Variants in LRPPRC observed in about 807,000 individuals in gnomAD.
The protein encoded by LRPPRC is leucine rich pentatricopeptide repeat containing.
Under a neutral mutation model 180.3 loss-of-function variants are expected in LRPPRC, and 120 were observed. The ratio of observed to expected loss-of-function variants is 0.67; its 90% confidence interval spans 0.57 to 0.77. The LOEUF (loss-of-function observed/expected upper bound fraction) is 0.77, where lower values mean the gene tolerates loss of function less well. Among genes scored for constraint, LRPPRC ranks in the 30% least tolerant of loss-of-function variants. The pLI is 0.00. For synonymous variants in LRPPRC, 723 were observed against 600.0 expected (o/e 1.21, Z -3.00); for missense variants, 2,012 against 1,657.2 (o/e 1.21, Z -3.72).
intron 34 of LRPPRC, among the ~76,000 whole-genome samples, chr2:43,898,508 G>A (rs1170304223): frequency 1.3e-5 from 2 of 152,326 alleles, no homozygotes; most frequent in South Asian, 2.1e-4. Context: ...CTCCCCGGCG[G>A]TGCCTGTTTG....
At chr2:43,924,414 G>A (rs1309702135) in intron 27 of LRPPRC, among the ~76,000 whole-genome samples, 1 of 152,138 alleles carries the variant, frequency 6.6e-6, no homozygotes, top group African/African-American at 2.4e-5. Flanking sequence ...AACAGTTAAG[G>A]ATGTGAATGA....
chr2:43,892,083 G>C (rs566158386), intron 36 of LRPPRC, among the ~76,000 whole-genome samples: 1 of 152,334 alleles, frequency 6.6e-6, no homozygotes, highest in African/African-American at 2.4e-5. Context: ...TTTAAGGAAA[G>C]AAGCCATCTC....
At position 43,943,806 on chromosome 2, in the gene LRPPRC, G is replaced by A. The variant is rs886056056; in HGVS notation, c.2385C>T (p.Gly795=). The change falls in exon 23 of 38, where the codon GGC becomes GGT. Residue 795 remains glycine, a synonymous_variant. Coordinates refer to ENST00000260665, the MANE Select transcript of LRPPRC (RefSeq NM_133259.4). ...TALSFFHMLN[G]AALRGEIETV... The stretch of plus-strand genomic sequence containing the variant: ...TTTCAATTTCACCTCTTAAAGCTGC[G>A]CCATTTAGCATGTGGAAAAAGGACA... 1.1e-5 allele frequency: 17 copies of A among 1,613,212 alleles called. 1 individual carries two copies. The highest frequency in any genetic ancestry group is 1.7e-5 in the Admixed American group (1 of 59,968).
intron 1 of LRPPRC, 91 bp from the exon 2 acceptor site, chr2:43,982,525 T>C (rs1241039074): frequency 1.2e-5 from 11 of 935,018 alleles, no homozygotes; most frequent in Non-Finnish European, 1.2e-5. Context: ...AAATTAGTTA[T>C]TAAACACCTA....
chr2:43,996,080 TAGGTTGGAAGATG>T, upstream of LRPPRC: 1 of 838,922 alleles, frequency 1.2e-6, no homozygotes, highest in Non-Finnish European at 1.8e-6. Flanking sequence ...CGGATTGTTT[TAGGTTGGAAGATG>T]GAAAACCGCA....
intron 3 of LRPPRC, among the ~76,000 whole-genome samples, chr2:43,979,315 C>G (rs938810791): frequency 2.4e-4 from 37 of 152,080 alleles, no homozygotes; most frequent in African/African-American, 8.4e-4. Flanking sequence ...TTTATTTATA[C>G]TCTGGAGAAC....
At chr2:43,937,507 C>G (rs185823218) in intron 23 of LRPPRC, among the ~76,000 whole-genome samples, 1 of 151,986 alleles carries the variant, frequency 6.6e-6, no homozygotes, top group African/African-American at 2.4e-5. Flanking sequence ...TAGGTGATGA[C>G]GGAAATGAAA....
At chr2:43,996,128 T>A (rs1417369393), upstream of LRPPRC, 6 of 553,634 alleles carry the variant, frequency 1.1e-5, no homozygotes, top group Non-Finnish European at 1.6e-5. Context: ...GAAGACCCAA[T>A]GTAATATTTA....
At chr2:43,960,790 GA>G (rs1673317098) in intron 12 of LRPPRC, among the ~76,000 whole-genome samples, 156 bp from the exon 13 acceptor site, 1 of 152,170 alleles carries the variant, frequency 6.6e-6, no homozygotes, top group Non-Finnish European at 1.5e-5. Context: ...AAAATTTAAA[GA>G]TGACATTTCA....
At chr2:43,912,025 G>T (rs1671280743) in intron 30 of LRPPRC, among the ~76,000 whole-genome samples, 1 of 152,048 alleles carries the variant, frequency 6.6e-6, no homozygotes, top group African/African-American at 2.4e-5. Context: ...ATTTTCCCAA[G>T]GTCACAGAAC....
Position 43,963,693 on chromosome 2 carries a change from G to T in LRPPRC, c.1383C>A (p.Ile461=), listed in dbSNP as rs2103673302. The T allele has an allele frequency of 1.3e-6, 2 of 1,551,122 alleles. No individual in the cohort carries two copies. The highest frequency in any genetic ancestry group is 1.8e-6 in the Non-Finnish European group (2 of 1,123,026). The change falls in exon 12 of 38, where the codon ATC becomes ATA. Residue 461 remains isoleucine (I), a synonymous_variant. Transcript: ENST00000260665. The stretch of plus-strand genomic sequence containing the variant: ...CTCCCAATTCTTGCATTCCTTTGAG[G>T]ATTTCAATTATACCTACCAAATAAA... ...KEKNVQGIIE[I]LKGMQELGVH...
chr2:43,916,873 A>T (rs1671487338), intron 29 of LRPPRC, among the ~76,000 whole-genome samples: 1 of 142,572 alleles, frequency 7.0e-6, no homozygotes, highest in Non-Finnish European at 1.5e-5. Flanking sequence ...TAAGCCCACG[A>T]GGCGGGGGCT....
At chr2:43,917,014 T>C (rs1344408047) in intron 29 of LRPPRC, among the ~76,000 whole-genome samples, 1 of 147,144 alleles carries the variant, frequency 6.8e-6, no homozygotes, top group African/African-American at 2.5e-5. Context: ...ATCACTTATA[T>C]CTAACAATTA....
rs1670299110 is a variant in LRPPRC at position 43,887,166 on chromosome 2, A to AAAAAAAAATT, written c.*1433_*1434insAATTTTTTTT. On this transcript the variant is annotated 3_prime_UTR_variant, in exon 38 of 38. Coordinates refer to ENST00000260665, the MANE Select transcript of LRPPRC (RefSeq NM_133259.4). ...CTCAAAAAAAAAAAAAAAAAAAAAGATGCTTTTGGCAAACCTGTAACATGT... is the reference window on the plus strand; with the variant it reads ...CTCAAAAAAAAAAAAAAAAAAAAAGAAAAAAAAATTTGCTTTTGGCAAACCTGTAACATGT... 1 of 147,454 alleles carries AAAAAAAAATT rather than the reference A, an allele frequency of 6.8e-6. No individual in the cohort carries two copies. 9.1% of individuals were successfully genotyped at this position (147,454 alleles called of 1,614,324 possible). A position where few individuals can be genotyped will look rare whatever the true frequency, so the allele number is the denominator to read the frequency against.
intron 20 of LRPPRC, among the ~76,000 whole-genome samples, chr2:43,946,473 C>A (rs1672686078): frequency 6.6e-6 from 1 of 151,764 alleles, no homozygotes; most frequent in Admixed American, 6.6e-5. Flanking sequence ...ATAAAATAGG[C>A]CATTATTTAT....
intron 31 of LRPPRC, chr2:43,902,652 C>T (rs910680241): frequency 3.3e-5 from 5 of 151,978 alleles, no homozygotes; most frequent in East Asian, 3.9e-4. Context: ...AAAGCATAGT[C>T]AATAAAAATT....
intron 23 of LRPPRC, among the ~76,000 whole-genome samples, chr2:43,942,485 G>C (rs2105074918): frequency 6.6e-6 from 1 of 152,206 alleles, no homozygotes; most frequent in Non-Finnish European, 1.5e-5. Flanking sequence ...GTTAAGATTT[G>C]ACCAGTCATC....
intron 36 of LRPPRC, among the ~76,000 whole-genome samples, chr2:43,894,258 C>A (rs1670601168): frequency 6.6e-6 from 1 of 152,122 alleles, no homozygotes; most frequent in Non-Finnish European, 1.5e-5. Flanking sequence ...TCCAGGTCTT[C>A]CCAGGAGCCT....
At chr2:43,961,737 G>A (rs1673355068) in intron 12 of LRPPRC, among the ~76,000 whole-genome samples, 1 of 152,208 alleles carries the variant, frequency 6.6e-6, no homozygotes, top group Non-Finnish European at 1.5e-5. Flanking sequence ...TAGGCAGGCT[G>A]ATCACCTAAG....
Sources: gnomAD v4.1 joint callset for allele counts (sites outside exome capture counted in the v4.1 genomes callset) on GRCh38, gnomAD v4.1.1 for gene constraint, MANE v1.5 for transcripts, NCBI Gene and HGNC (gene_info 2026-07-23, HGNC 2026-07-21) for gene names.